Variants in EYS observed in about 807,000 individuals in gnomAD.
The protein encoded by EYS is protein eyes shut homolog.
In EYS, 250 loss-of-function variants were observed where a neutral mutation model predicts 282.1. The ratio of observed to expected loss-of-function variants is 0.89; its 90% confidence interval spans 0.80 to 0.98. EYS has a LOEUF of 0.98. EYS is among the 50% of genes least tolerant of loss of function. The pLI is 0.00. For synonymous variants in EYS, 1,355 were observed against 1,282.9 expected (o/e 1.06, Z -1.20); for missense variants, 4,016 against 3,709.0 (o/e 1.08, Z -2.15).
intron 1 of EYS, among the ~76,000 whole-genome samples, chr6:65,677,095 A>G (rs929045754): frequency 2.3e-5 from 3 of 130,702 alleles, no homozygotes; most frequent in African/African-American, 8.7e-5. Flanking sequence ...GCTTTATCAC[A>G]GTCATTGGTG....
chr6:64,784,565 A>G (rs1425565240), intron 22 of EYS, among the ~76,000 whole-genome samples: 1 of 152,162 alleles, frequency 6.6e-6, no homozygotes, highest in Non-Finnish European at 1.5e-5. Flanking sequence ...GAACCAGAAG[A>G]GAGCCTGGCA....
At position 65,060,023 on chromosome 6, in the gene EYS, C is replaced by T. The variant is rs182024556; in HGVS notation, c.2024-2296G>A. On this transcript the variant is annotated intron_variant, in intron 12 of 42. Transcript: ENST00000503581. ...CTGTGTCTTCTGATCCCAGCTTCCC[C>T]TTATCAACCTGAATGTCACACTGCC... 2.5e-3 allele frequency among the ~76,000 whole-genome samples: 379 copies of T among 152,016 alleles called. 3 individuals are homozygous for T. Among genetic ancestry groups the T allele is most frequent in the African/African-American group, 8.8e-3 (366 of 41,502 alleles).
At chr6:65,357,497 A>C (rs1475226602) in intron 8 of EYS, among the ~76,000 whole-genome samples, 1 of 152,000 alleles carries the variant, frequency 6.6e-6, no homozygotes, top group African/African-American at 2.4e-5. Context: ...GAAAAGGGGA[A>C]ACATTAAAAT....
intron 23 of EYS, among the ~76,000 whole-genome samples, chr6:64,623,005 GA>G (rs1767497145): frequency 6.6e-6 from 1 of 152,112 alleles, no homozygotes; most frequent in Admixed American, 6.6e-5. Flanking sequence ...CTTTTAAAGA[GA>G]AAAACAGATT....
chr6:64,345,018 A>G (rs2150399310), intron 29 of EYS, among the ~76,000 whole-genome samples: 1 of 152,252 alleles, frequency 6.6e-6, no homozygotes, highest in East Asian at 1.9e-4. Context: ...CTTCAAGGAG[A>G]ACTACAAACC....
intron 22 of EYS, among the ~76,000 whole-genome samples, chr6:64,688,921 T>A (rs1770264916): frequency 1.3e-5 from 2 of 151,762 alleles, no homozygotes; most frequent in Non-Finnish European, 2.9e-5. Flanking sequence ...AAGACAGTGA[T>A]GCCCTCTCTC....
chr6:64,400,780 T>C (rs113793134), intron 28 of EYS, among the ~76,000 whole-genome samples: 2 of 152,018 alleles, frequency 1.3e-5, no homozygotes, highest in African/African-American at 4.8e-5. Flanking sequence ...AGCAGAATAG[T>C]TTTTCTTTTT....
In EYS at chr6:64,837,684, G is replaced by GATATATATATATATATGTATATATAGGAT. The variant is rs35119556; in HGVS notation, c.2993-14863_2993-14862insATCCTATATATACATATATATATATATAT. 2.8e-5 allele frequency among the ~76,000 whole-genome samples: 4 copies of GATATATATATATATATGTATATATAGGAT among 141,120 alleles called. No individual in the cohort carries two copies. The South Asian group carries it at 6.6e-4, about 23-fold the overall frequency. 92.6% of individuals were successfully genotyped at this position (141,120 alleles called of 152,430 possible). On this transcript the variant is annotated intron_variant, in intron 19 of 42. Transcript: ENST00000503581. The stretch of plus-strand genomic sequence containing the variant: ...ATGTATATGATATATATATATATAG[G>GATATATATATATATATGTATATATAGGAT]ATATATATATATATGTATATCCTAA...
intron 29 of EYS, among the ~76,000 whole-genome samples, chr6:64,319,170 T>C (rs138075930): frequency 6.6e-6 from 1 of 152,118 alleles, no homozygotes; most frequent in East Asian, 1.9e-4. Context: ...CTTTTTAGAT[T>C]AGTGTACTTT....
chr6:63,841,131 G>T (rs1225045837), intron 36 of EYS, among the ~76,000 whole-genome samples: 1 of 152,090 alleles, frequency 6.6e-6, no homozygotes, highest in Non-Finnish European at 1.5e-5. Context: ...CTTCCCAAGT[G>T]CTTAGGTTTG....
chr6:65,330,785 T>C, intron 11 of EYS: 8 of 962,626 alleles, frequency 8.3e-6, no homozygotes, highest in Non-Finnish European at 9.9e-6. Flanking sequence ...TACATTTCTT[T>C]CATTTATATC....
rs746468252 is a variant in EYS, at chr6:65,452,658, A to T, written c.862+37936T>A. Among the ~76,000 whole-genome samples, 4 of 152,054 alleles carry T rather than the reference A, an allele frequency of 2.6e-5. No individual in the cohort carries two copies. The South Asian group carries it at 8.3e-4, about 31-fold the overall frequency. On this transcript the variant is annotated intron_variant, in intron 5 of 42. Transcript: ENST00000503581. ...AAGTCAATGGACATTGTCCCTAAGGAAGTTCTCAAAGAAGTGTTGTAGTAA... is the reference window on the plus strand; with the variant it reads ...AAGTCAATGGACATTGTCCCTAAGGTAGTTCTCAAAGAAGTGTTGTAGTAA...
intron 19 of EYS, among the ~76,000 whole-genome samples, chr6:64,856,083 A>T (rs1170036485): frequency 6.6e-6 from 1 of 152,150 alleles, no homozygotes; most frequent in Non-Finnish European, 1.5e-5. Flanking sequence ...TTATATACAC[A>T]ATTTTATGTG....
Position 65,622,918 on chromosome 6 carries a change from C to T in EYS, c.-333+16860G>A, listed in dbSNP as rs142850028. On this transcript the variant is annotated intron_variant, in intron 2 of 42. Transcript: ENST00000503581. ...AACTATAAGCATGCACAACACCACC[C>T]GACTAATTTTCAAATTATTCGTACA... is the stretch of plus-strand genomic sequence containing the variant. Among the ~76,000 whole-genome samples the T allele has an allele frequency of 3.3e-4, 50 of 152,040 alleles. No homozygotes were observed. The East Asian group carries it at 4.5e-3, about 14-fold the overall frequency.
chr6:64,534,809 TC>T (rs1562046523), intron 26 of EYS, among the ~76,000 whole-genome samples: 3 of 151,452 alleles, frequency 2.0e-5, no homozygotes, highest in African/African-American at 7.3e-5. Context: ...TTTTTTTTTT[TC>T]CAATGGACAA....
At chr6:64,138,730 C>A (rs1180587748) in intron 31 of EYS, among the ~76,000 whole-genome samples, 2 of 152,162 alleles carry the variant, frequency 1.3e-5, no homozygotes, top group Non-Finnish European at 2.9e-5. Flanking sequence ...CACTGAGCAG[C>A]CTGCTTGTAC....
intron 2 of EYS, among the ~76,000 whole-genome samples, chr6:65,635,967 G>T (rs1767073042): frequency 6.6e-6 from 1 of 152,150 alleles, no homozygotes; most frequent in African/African-American, 2.4e-5. Context: ...TAACCTAAAA[G>T]CCTGAGATGA....
At chr6:64,548,476 C>T (rs955116665) in intron 26 of EYS, among the ~76,000 whole-genome samples, 2 of 152,166 alleles carry the variant, frequency 1.3e-5, no homozygotes, top group African/African-American at 4.8e-5. Flanking sequence ...GACACATATA[C>T]ACCATGGAAT....
chr6:65,332,397 A>G, intron 11 of EYS: 2 of 1,247,238 alleles, frequency 1.6e-6, no homozygotes, highest in Non-Finnish European at 2.3e-6. Context: ...TTGGTGTGGT[A>G]TCACCGTGTT....
Sources: gnomAD v4.1 joint callset for allele counts (sites outside exome capture counted in the v4.1 genomes callset) on GRCh38, gnomAD v4.1.1 for gene constraint, MANE v1.5 for transcripts, NCBI Gene and HGNC (gene_info 2026-07-23, HGNC 2026-07-21) for gene names.